Variants in CCDC187 observed in about 807,000 individuals in gnomAD.
CCDC187 encodes the protein coiled-coil domain-containing protein 187.
A neutral mutation model predicts 38.0 loss-of-function variants in CCDC187; 32 were observed. The ratio of observed to expected loss-of-function variants is 0.84; its 90% CI spans 0.64 to 1.13. CCDC187 has a LOEUF of 1.13. Ranked by LOEUF, CCDC187 falls within the 50% of genes most tolerant of loss-of-function variation. The probability of loss-of-function intolerance (pLI) is 0.00; values close to 1 mark genes in which losing one functional copy is unlikely to be tolerated. For missense variants in CCDC187, 707 were observed against 786.8 expected, an observed-to-expected ratio of 0.90 and a Z score of 1.21; for synonymous variants, 333 against 347.9, an observed-to-expected ratio of 0.96 and a Z score of 0.48.
At chr9:136,303,653 G>C (rs1466762492) in intron 1 of CCDC187, 35 bp downstream of exon 1, 1 of 153,014 alleles carries the variant, frequency 6.5e-6, no homozygotes, top group South Asian at 2.1e-4. Flanking sequence ...CCTGCCAGCA[G>C]TGCAGCCCCC....
At chr9:136,291,675 AG>A in intron 5 of CCDC187, 30 bp from the exon 6 acceptor site, 1 of 398,598 alleles carries the variant, frequency 2.5e-6, no homozygotes, top group Admixed American at 4.4e-5. Flanking sequence ...AGGGGTGAGG[AG>A]GGGAGCGGAG....
intron 7 of CCDC187, among the ~76,000 whole-genome samples, 158 bp from the exon 8 acceptor site, chr9:136,286,853 C>T (rs888940945): frequency 9.8e-4 from 150 of 152,358 alleles, no homozygotes; most frequent in African/African-American, 3.4e-3. Flanking sequence ...GGTATCCACA[C>T]AACAGACCAC....
In CCDC187 at chr9:136,291,563, C is replaced by T; in HGVS notation, c.1050G>A (p.Gln350=). ...LPDATSAYSD[Q]QVSGNTPSLA... ...GGCTGGGTGTGTTCCCAGACACCTG[C>T]TGGTCACTGTAGGCGGAGGTGGCAT... Residue 350 remains glutamine, a synonymous_variant, in exon 6 of 26, where the codon CAG becomes CAA. Transcript: ENST00000638797. The T allele has an allele frequency of 2.5e-6, 1 of 398,826 alleles. No individual in the cohort carries two copies. Among genetic ancestry groups the T allele is most frequent in the East Asian group, 3.6e-5 (1 of 28,084 alleles). 24.7% of individuals were successfully genotyped at this position (398,826 alleles called of 1,614,324 possible). A position where few individuals can be genotyped will look rare whatever the true frequency, so the allele number is the denominator to read the frequency against.
At chr9:136,281,010 C>A (rs1831028057) in intron 10 of CCDC187, 1 of 188,594 alleles carries the variant, frequency 5.3e-6, no homozygotes, top group Non-Finnish European at 1.1e-5. Context: ...ACGGGGGTCC[C>A]CCACTTCTGA....
rs1386498392 is a variant in CCDC187 at position 136,258,735 on chromosome 9, C to A, written c.4366+197G>T. On this transcript the variant is annotated intron_variant, in intron 22 of 25. Coordinates refer to ENST00000638797, the MANE Select transcript of CCDC187 (RefSeq NM_001378188.1). The surrounding 1 kb of genome is among the most constrained non-coding windows in gnomAD (Gnocchi z 4.3). ...TTTCTCCAGAAGAGCCGCTGCGTCA[C>A]CTCCGGTAGGAGATGGAGCCGGCCA... 1.4e-5 allele frequency: 14 copies of A among 985,486 alleles called. No individual in the cohort carries two copies. The highest frequency in any genetic ancestry group is 1.7e-5 in the Non-Finnish European group (14 of 829,942). The allele number at this position is 985,486 out of a possible 1,614,324, so 61.0% of individuals were successfully genotyped here.
rs1209221774 is a variant in CCDC187, at chr9:136,257,292, G to A, written c.4367-451C>T. Reference sequence around the variant, plus strand: ...GGAGGCTGAGGCAAAAGAATTGCTTGAACCCGGGAGGCGGAGGTTGCAGTG... The same window carrying A: ...GGAGGCTGAGGCAAAAGAATTGCTTAAACCCGGGAGGCGGAGGTTGCAGTG... On this transcript the variant is annotated intron_variant, in intron 22 of 25. Coordinates refer to ENST00000638797, the MANE Select transcript of CCDC187 (RefSeq NM_001378188.1). This position sits in a 1 kb window ranked among gnomAD's most constrained non-coding sequence, Gnocchi z 4.5. Among the ~76,000 whole-genome samples the A allele has an allele frequency of 6.6e-5, 10 of 152,152 alleles. No homozygotes were observed. The highest frequency in any genetic ancestry group is 2.2e-4 in the African/African-American group (9 of 41,412).
chr9:136,263,380 A>G (rs1554761235), intron 18 of CCDC187, among the ~76,000 whole-genome samples: 4 of 151,530 alleles, frequency 2.6e-5, no homozygotes, highest in Non-Finnish European at 2.9e-5. Context: ...GACCACAGGC[A>G]CCCACCACCT....
At chr9:136,260,082 C>A in intron 20 of CCDC187, 37 bp downstream of exon 20, 1 of 985,332 alleles carries the variant, frequency 1.0e-6, no homozygotes, top group Non-Finnish European at 1.2e-6. Context: ...AATGAGCATC[C>A]GTCTGACCCT....
In CCDC187 at chr9:136,263,644, TG is replaced by T; in HGVS notation, c.3889del (p.Gln1297ArgfsTer35). On this transcript the variant is annotated frameshift_variant, in exon 18 of 26. Coordinates refer to ENST00000638797, the MANE Select transcript of CCDC187 (RefSeq NM_001378188.1). LOFTEE classifies it high-confidence loss of function. ...CACCTGCTGCAGCTTGGCCTGGGCC[TG>T]CAGCTCGTGCGCTGGGACGACGTCC... ...PTDVVPAHELQAQAKLQQGSS... is the reference protein window; with the variant it reads ...PTDVVPAHELXAQAKLQQGSS... 3.0e-6 allele frequency: 3 copies of T among 985,450 alleles called. No individual in the cohort carries two copies. The highest frequency in any genetic ancestry group is 3.6e-6 in the Non-Finnish European group (3 of 829,950). 61.0% of individuals were successfully genotyped at this position (985,450 alleles called of 1,614,324 possible).
rs1554761256 is a variant in CCDC187, at chr9:136,263,652, G to A, written c.3882C>T (p.His1294=). 10 of 985,466 alleles carry A rather than the reference G, an allele frequency of 1.0e-5. No homozygotes were observed. The highest frequency in any genetic ancestry group is 8.4e-6 in the Non-Finnish European group (7 of 829,950). The allele number at this position is 985,466 out of a possible 1,614,324, so 61.0% of individuals were successfully genotyped here. A position where few individuals can be genotyped will look rare whatever the true frequency, so the allele number is the denominator to read the frequency against. The change falls in exon 18 of 26, where the codon CAC becomes CAT. Residue 1294 remains histidine, a synonymous_variant. Transcript: ENST00000638797. The part of the protein sequence containing the change: ...IPGPTDVVPA[H]ELQAQAKLQQ... ...GCAGCTTGGCCTGGGCCTGCAGCTC[G>A]TGCGCTGGGACGACGTCCGTGGGCC...
chr9:136,267,699 C>G, intron 15 of CCDC187, 188 bp from the exon 16 acceptor site: 1 of 913,244 alleles, frequency 1.1e-6, no homozygotes, highest in South Asian at 5.0e-5. Context: ...CTCGCTTCCC[C>G]GACTGTGAGC....
rs978792701 is a variant in CCDC187, at chr9:136,285,550, C to T, written c.2890G>A (p.Val964Met). ...VKPDKRLQRG[V>M]APFQALSPSA... is the part of the protein sequence containing the mutation. Reference sequence around the variant, plus strand: ...GGGCTGAGGGCCTGGAAGGGGGCCACGCCTCTCTGCAGCCTTTTGTCTGGT... The same window carrying T: ...GGGCTGAGGGCCTGGAAGGGGGCCATGCCTCTCTGCAGCCTTTTGTCTGGT... The change falls in exon 9 of 26, where the codon GTG becomes ATG. Residue 964 changes from valine to methionine, a missense_variant. Physicochemically the swap from Val to Met is conservative, Grantham distance 21. Transcript: ENST00000638797. 25 of 402,622 alleles carry T rather than the reference C, an allele frequency of 6.2e-5. No individual in the cohort carries two copies. The South Asian group carries it at 1.8e-3, about 29-fold the overall frequency. 24.9% of individuals were successfully genotyped at this position (402,622 alleles called of 1,614,324 possible).
chr9:136,299,214 A>C (rs1831611532), intron 3 of CCDC187, among the ~76,000 whole-genome samples: 1 of 152,098 alleles, frequency 6.6e-6, no homozygotes, highest in Admixed American at 6.5e-5. Context: ...GGTCAGGGAG[A>C]TGGCTCTGTC....
chr9:136,262,830 C>T (rs1164311585), intron 18 of CCDC187, among the ~76,000 whole-genome samples: 2 of 152,190 alleles, frequency 1.3e-5, no homozygotes, highest in African/African-American at 2.4e-5. Flanking sequence ...GCCTGCTGCC[C>T]TCCCTGCCTT....
Position 136,266,022 on chromosome 9 carries a change from G to A in CCDC187, c.3669C>T (p.Asp1223=). ...HRRGCLDSKR[D]RAVLAALVEK... ...CAACCAGCGCGGCCAGCACAGCTCT[G>A]TCCCTCTTGCTGTCCAGGCACCTGG... The change falls in exon 17 of 26, where the codon GAC becomes GAT. Residue 1223 remains aspartate, a synonymous_variant. Coordinates refer to ENST00000638797, the MANE Select transcript of CCDC187 (RefSeq NM_001378188.1). 1 of 985,550 alleles carries A rather than the reference G, an allele frequency of 1.0e-6. No individual in the cohort carries two copies. Among genetic ancestry groups the A allele is most frequent in the Non-Finnish European group, 1.2e-6 (1 of 830,002 alleles). 61.1% of individuals were successfully genotyped at this position (985,550 alleles called of 1,614,324 possible).
At position 136,304,066 on chromosome 9, in the gene CCDC187, G is replaced by T. The variant is rs1388494382; in HGVS notation, c.-236C>A. ...TGGCACGGTGGGCAGCCCGGCCCTG[G>T]GCTGGCCACAGCTGGGGGCCTTCCT... is the stretch of plus-strand genomic sequence containing the variant. On this transcript the variant is annotated 5_prime_UTR_variant, in exon 1 of 26. Transcript: ENST00000638797. The T allele has an allele frequency of 6.6e-6, 1 of 152,314 alleles. No homozygotes were observed. The highest frequency in any genetic ancestry group is 1.5e-5 in the Non-Finnish European group (1 of 68,110). The allele number at this position is 152,314 out of a possible 1,614,324, so 9.4% of individuals were successfully genotyped here.
intron 17 of CCDC187, among the ~76,000 whole-genome samples, chr9:136,265,282 C>A (rs1442733014): frequency 6.6e-6 from 1 of 152,168 alleles, no homozygotes; most frequent in Non-Finnish European, 1.5e-5. Context: ...TCCACATGTG[C>A]CCCCAGCACC....
rs1554759222 is a variant in CCDC187, at chr9:136,250,776, A to C, written c.*2818T>G. Reference sequence around the variant, plus strand: ...GTGCACATGGTGAATGGGGACCCTGACACAGGCCGGCCATTGTTAACGGCA... The same window carrying C: ...GTGCACATGGTGAATGGGGACCCTGCCACAGGCCGGCCATTGTTAACGGCA... On this transcript the variant is annotated 3_prime_UTR_variant, in exon 26 of 26. Transcript: ENST00000638797. 2.2e-6 allele frequency: 1 copy of C among 456,280 alleles called. No homozygotes were observed. 28.3% of individuals were successfully genotyped at this position (456,280 alleles called of 1,614,324 possible). A position where few individuals can be genotyped will look rare whatever the true frequency, so the allele number is the denominator to read the frequency against.
rs1831318549 is a variant in CCDC187 at position 136,291,146 on chromosome 9, C to T, written c.1467G>A (p.Arg489=). The T allele has an allele frequency of 5.0e-6, 2 of 398,708 alleles. No homozygotes were observed. The highest frequency in any genetic ancestry group is 8.8e-6 in the Non-Finnish European group (2 of 226,118). The allele number at this position is 398,708 out of a possible 1,614,324, so 24.7% of individuals were successfully genotyped here. A position where few individuals can be genotyped will look rare whatever the true frequency, so the allele number is the denominator to read the frequency against. ...PHERLGHFSQ[R]PWSALAGQAC... ...CCTGCCCAGCCAGTGCACTCCAGGG[C>T]CTCTGGGAGAAGTGGCCCAACCTCT... The change falls in exon 6 of 26, where the codon AGG becomes AGA. Residue 489 remains arginine (R), a synonymous_variant. Transcript: ENST00000638797.
Sources: allele counts gnomAD v4.1 joint callset (sites outside exome capture counted in the v4.1 genomes callset), GRCh38; gene constraint gnomAD v4.1.1; non-coding constraint Gnocchi (gnomAD v3.1); transcripts MANE v1.5; gene names NCBI Gene and HGNC (gene_info 2026-07-23, HGNC 2026-07-21).